The following MFSD8 variants were observed in gnomAD, a reference collection of about 807,000 sequenced individuals.
MFSD8 encodes major facilitator superfamily domain-containing protein 8.
In MFSD8, 55 loss-of-function variants were observed where a neutral mutation model predicts 66.4. That is an observed-to-expected ratio of 0.83 (90% CI 0.67 to 1.04). MFSD8 has a LOEUF of 1.04. MFSD8 is among the 50% of genes least tolerant of loss of function. The pLI is 0.00. For synonymous variants in MFSD8, 202 were observed against 212.8 expected, an observed-to-expected ratio of 0.95 and a Z score of 0.44; for missense variants, 550 against 627.6, an observed-to-expected ratio of 0.88 and a Z score of 1.32.
chr4:127,933,081 T>C lies in MFSD8; in HGVS notation c.767A>G (p.Glu256Gly). Residue 256 changes from glutamate to glycine, a missense_variant, in exon 8 of 12, where the codon GAA (glutamate) becomes GGA (glycine). Coordinates refer to ENST00000641686, the MANE Select transcript of MFSD8 (RefSeq NM_001371596.2). ...AATATTTCCTTGGGGAACCTGAGCT[T>C]CATCTGTACTTGCTATAGGGAAATA... ...SINFEEASTDEAQVPQGNIDQ... is the reference protein window; with the variant it reads ...SINFEEASTDGAQVPQGNIDQ... 6.2e-7 allele frequency: 1 copy of C among 1,613,532 alleles called. No individual in the cohort carries two copies. The highest frequency in any genetic ancestry group is 1.1e-5 in the South Asian group (1 of 91,068).
chr4:127,936,399 G>T (rs1739085228), intron 7 of MFSD8, among the ~76,000 whole-genome samples: 1 of 152,002 alleles, frequency 6.6e-6, no homozygotes, highest in Admixed American at 6.6e-5. Flanking sequence ...ACAGGCATGA[G>T]CCACTGTGCC....
Position 127,918,278 on chromosome 4 carries a change from C to G in MFSD8, c.*2352G>C, listed in dbSNP as rs1417916878. 1 of 152,080 alleles carries G rather than the reference C, an allele frequency of 6.6e-6. No individual in the cohort carries two copies. The highest frequency in any genetic ancestry group is 2.4e-5 in the African/African-American group (1 of 41,422). 9.4% of individuals were successfully genotyped at this position (152,080 alleles called of 1,614,324 possible). ...AACATGGTGATTTTTTTTCCTCAAA[C>G]TTTATCTCCTTGCTCTTTTCCCAAT... is the stretch of plus-strand genomic sequence containing the variant. On this transcript the variant is annotated 3_prime_UTR_variant, in exon 12 of 12. Transcript: ENST00000641686.
At chr4:127,963,783 G>A (rs1014604752) in intron 1 of MFSD8, among the ~76,000 whole-genome samples, 6 of 152,214 alleles carry the variant, frequency 3.9e-5, no homozygotes, top group South Asian at 2.1e-4. Flanking sequence ...GACCTCAGCG[G>A]GTTGCCACTA....
At chr4:127,959,578 A>G (rs187457959) in intron 1 of MFSD8, among the ~76,000 whole-genome samples, 1 of 152,324 alleles carries the variant, frequency 6.6e-6, no homozygotes, top group Admixed American at 6.5e-5. Flanking sequence ...TACTTGGGAC[A>G]AAGTATCACA....
At position 127,943,790 on chromosome 4, in the gene MFSD8, T is replaced by C. The variant is rs1242219330; in HGVS notation, c.401A>G (p.Tyr134Cys). ...LHIPASHNKY[Y>C]MLVARGLLGI... ...CAACAATCCACGAGCAACCAGCATG[T>C]AGTATTTATTATGAGAAGCTGGGAT... The change falls in exon 4 of 12, where the codon TAC (tyrosine) becomes TGC (cysteine). Residue 134 changes from tyrosine to cysteine, a missense_variant. Tyr to Cys is a radical substitution (Grantham distance 194). Transcript: ENST00000641686. 3.7e-6 allele frequency: 6 copies of C among 1,614,028 alleles called. No homozygotes were observed. The highest frequency in any genetic ancestry group is 3.3e-5 in the Admixed American group (2 of 60,000).
In MFSD8 at chr4:127,921,554, TA is replaced by T; in HGVS notation, c.1319del (p.Leu440HisfsTer6). ...YPVCNLMSYT[L>X]YSKILGPKPQ... ...GTTTTGGTCCTAGAATTTTTGAATA[TA>T]GAGTATAGGACATAAGATTGCAGAC... On this transcript the variant is annotated frameshift_variant, in exon 11 of 12. Coordinates refer to ENST00000641686, the MANE Select transcript of MFSD8 (RefSeq NM_001371596.2). LOFTEE classifies it high-confidence loss of function. 6.2e-7 allele frequency: 1 copy of T among 1,614,170 alleles called. No homozygotes were observed. The highest frequency in any genetic ancestry group is 8.5e-7 in the Non-Finnish European group (1 of 1,180,012).
At position 127,918,191 on chromosome 4, in the gene MFSD8, C is replaced by T. The variant is rs1240458271; in HGVS notation, c.*2439G>A. 6.6e-6 allele frequency: 1 copy of T among 152,156 alleles called. No individual in the cohort carries two copies. Among genetic ancestry groups the T allele is most frequent in the Admixed American group, 6.5e-5 (1 of 15,276 alleles). The allele number at this position is 152,156 out of a possible 1,614,324, so 9.4% of individuals were successfully genotyped here. ...GTACTACTCTTAACAATATATCATACCTTAAAATCTCCTGTTGTCATTTTC... is the reference window on the plus strand; with the variant it reads ...GTACTACTCTTAACAATATATCATATCTTAAAATCTCCTGTTGTCATTTTC... On this transcript the variant is annotated 3_prime_UTR_variant, in exon 12 of 12. Transcript: ENST00000641686.
chr4:127,926,934 G>A (rs1053054049), intron 9 of MFSD8, among the ~76,000 whole-genome samples: 4 of 152,182 alleles, frequency 2.6e-5, no homozygotes, highest in Non-Finnish European at 5.9e-5. Context: ...GTTTCATGAT[G>A]CTGGACAGCA....
In MFSD8 at chr4:127,955,466, G is replaced by A. The variant is rs370103226; in HGVS notation, c.154+2035C>T. 9.9e-5 allele frequency among the ~76,000 whole-genome samples: 15 copies of A among 150,830 alleles called. No homozygotes were observed. In the East Asian group the frequency reaches 2.4e-3, roughly 24 times the overall value. On this transcript the variant is annotated intron_variant, in intron 2 of 11. Coordinates refer to ENST00000641686, the MANE Select transcript of MFSD8 (RefSeq NM_001371596.2). ...TGAGGCAGAGAATTGCTTGAACCCC[G>A]CAGGCGGAGGTTTCAGTGAGCCAAG...
intron 2 of MFSD8, among the ~76,000 whole-genome samples, chr4:127,955,539 C>CAAAA (rs34570244): frequency 0.026 from 2,650 of 102,436 alleles, 118 homozygotes; most frequent in East Asian, 0.24. Context: ...GACTTTGTCT[C>CAAAA]AAAAAAAAAA....
At position 127,939,852 on chromosome 4, in the gene MFSD8, C is replaced by T; in HGVS notation, c.698+1G>A. On this transcript the variant is annotated splice_donor_variant, in intron 6 of 11. Coordinates refer to ENST00000641686, the MANE Select transcript of MFSD8 (RefSeq NM_001371596.2). LOFTEE classifies it high-confidence loss of function. ...TAGTTTTATCATTTCTATCTAATTA[C>T]CTTAGTATGGCAAGGATCAGAATAA... 6.2e-7 allele frequency: 1 copy of T among 1,610,960 alleles called. No individual in the cohort carries two copies. The highest frequency in any genetic ancestry group is 8.5e-7 in the Non-Finnish European group (1 of 1,178,192).
upstream of MFSD8, chr4:127,965,580 C>A: frequency 8.9e-6 from 2 of 225,936 alleles, no homozygotes; most frequent in South Asian, 5.5e-5. Context: ...CCGGCCAGCT[C>A]GATCGCAGGC....
intron 2 of MFSD8, among the ~76,000 whole-genome samples, chr4:127,953,524 T>A (rs1742354004): frequency 6.7e-6 from 1 of 149,334 alleles, no homozygotes; most frequent in African/African-American, 2.5e-5. Flanking sequence ...CTTTTTCTGA[T>A]ATTTGCACAA....
intron 6 of MFSD8, 80 bp downstream of exon 6, chr4:127,939,773 G>A: frequency 6.8e-7 from 1 of 1,468,874 alleles, no homozygotes; most frequent in Non-Finnish European, 9.4e-7. Flanking sequence ...ACTTCATAAG[G>A]ATAATTATCT....
Position 127,933,125 on chromosome 4 carries a change from C to T in MFSD8, c.755-32G>A, listed in dbSNP as rs778535936. The T allele has an allele frequency of 2.5e-5, 37 of 1,497,920 alleles. No homozygotes were observed. In the South Asian group the frequency reaches 3.6e-4, roughly 15 times the overall value. The allele number at this position is 1,497,920 out of a possible 1,614,324, so 92.8% of individuals were successfully genotyped here. A position where few individuals can be genotyped will look rare whatever the true frequency, so the allele number is the denominator to read the frequency against. On this transcript the variant is annotated intron_variant, in intron 7 of 11. Coordinates refer to ENST00000641686, the MANE Select transcript of MFSD8 (RefSeq NM_001371596.2). Reference sequence around the variant, plus strand: ...GGAAATAGGAGAAAAATTACATTACCTATACATCTAATTTTTCTTATGACA... The same window carrying T: ...GGAAATAGGAGAAAAATTACATTACTTATACATCTAATTTTTCTTATGACA...
At chr4:127,947,943 T>A (rs113187411) in intron 3 of MFSD8, among the ~76,000 whole-genome samples, 4 of 151,076 alleles carry the variant, frequency 2.6e-5, no homozygotes, top group South Asian at 2.1e-4. Context: ...GATAAACTGA[T>A]AAGGAAGAAT....
chr4:127,931,832 G>A (rs776364580), intron 8 of MFSD8, among the ~76,000 whole-genome samples: 5 of 152,176 alleles, frequency 3.3e-5, no homozygotes, highest in Non-Finnish European at 7.3e-5. Context: ...GATAGTGCCA[G>A]GCGCGGAGGC....
At chr4:127,927,218 C>T (rs1737357366) in intron 9 of MFSD8, among the ~76,000 whole-genome samples, 1 of 151,252 alleles carries the variant, frequency 6.6e-6, no homozygotes, top group African/African-American at 2.4e-5. Context: ...TGGAATTTCA[C>T]TCTTGTCATC....
intron 1 of MFSD8, among the ~76,000 whole-genome samples, chr4:127,963,787 G>T (rs1012246858): frequency 4.6e-5 from 7 of 152,220 alleles, no homozygotes; most frequent in African/African-American, 1.7e-4. Flanking sequence ...TCAGCGGGTT[G>T]CCACTACTGG....
Sources: allele counts gnomAD v4.1 joint callset (sites outside exome capture counted in the v4.1 genomes callset), GRCh38; gene constraint gnomAD v4.1.1; transcripts MANE v1.5; gene names NCBI Gene and HGNC (gene_info 2026-07-23, HGNC 2026-07-21).